Variants in SLC25A21 observed in about 807,000 individuals in gnomAD.
The protein encoded by SLC25A21 is solute carrier family 25 member 21.
SLC25A21 carries 47 observed loss-of-function variants against 43.8 expected under a neutral mutation model. The ratio of observed to expected loss-of-function variants is 1.07; its 90% CI spans 0.85 to 1.37. The LOEUF is 1.37. SLC25A21 is among the 40% of genes most tolerant of loss of function. The pLI is 0.00. For synonymous variants in SLC25A21, 131 were observed against 121.3 expected, an observed-to-expected ratio of 1.08 and a Z score of -0.52; for missense variants, 352 against 350.2, an observed-to-expected ratio of 1.00 and a Z score of -0.04.
intron 1 of SLC25A21, among the ~76,000 whole-genome samples, chr14:36,995,134 G>A (rs1008545844): frequency 6.6e-6 from 1 of 152,136 alleles, no homozygotes; most frequent in African/African-American, 2.4e-5. Context: ...CTCAAAGTGT[G>A]TTGTTGAAGT....
At chr14:36,984,097 G>A (rs1402242805) in intron 1 of SLC25A21, among the ~76,000 whole-genome samples, 2 of 152,126 alleles carry the variant, frequency 1.3e-5, no homozygotes, top group African/African-American at 4.8e-5. Context: ...ATATATCCAT[G>A]TAATAAACCT....
intron 1 of SLC25A21, among the ~76,000 whole-genome samples, chr14:37,168,523 G>A (rs1380851264): frequency 1.3e-5 from 2 of 151,834 alleles, no homozygotes; most frequent in African/African-American, 2.4e-5. Flanking sequence ...TCTCCCCTGA[G>A]GTTCCCCACC....
At chr14:36,711,196 C>G in intron 7 of SLC25A21, 122 bp downstream of exon 7, 1 of 854,592 alleles carries the variant, frequency 1.2e-6, no homozygotes, top group East Asian at 2.7e-5. Flanking sequence ...ATGTAAGGAT[C>G]AAATTAGATA....
In SLC25A21 at chr14:37,172,459, TTGGCTCCCTGTGGAGCAGCAATCCGG is replaced by T; in HGVS notation, c.-135_-110del. The T allele has an allele frequency of 8.7e-7, 1 of 1,152,558 alleles. No individual in the cohort carries two copies. The highest frequency in any genetic ancestry group is 1.3e-5 in the South Asian group (1 of 76,298). 71.4% of individuals were successfully genotyped at this position (1,152,558 alleles called of 1,614,324 possible). A position where few individuals can be genotyped will look rare whatever the true frequency, so the allele number is the denominator to read the frequency against. ...CCGGCTGGGCTGGTCCTCAAGCGCG[TTGGCTCCCTGTGGAGCAGCAATCCGG>T]CGACTGCTGGAAAGCGAGGGTTCGA... On this transcript the variant is annotated 5_prime_UTR_variant, in exon 1 of 10. Coordinates refer to ENST00000331299, the MANE Select transcript of SLC25A21 (RefSeq NM_030631.4).
rs1276726673 is a variant in SLC25A21, at chr14:37,040,358, A to G, written c.70+131923T>C. On this transcript the variant is annotated intron_variant, in intron 1 of 9. Coordinates refer to ENST00000331299, the MANE Select transcript of SLC25A21 (RefSeq NM_030631.4). ...GAAGGAAGGAAGGAAGGAAGGAAAG[A>G]AAGAGAGAGAGAGAGAGAAAGAAAG... Among the ~76,000 whole-genome samples, 57 of 48,244 alleles carry G rather than the reference A, an allele frequency of 1.2e-3. 18 individuals are homozygous for G. Among genetic ancestry groups the G allele is most frequent in the East Asian group, 6.7e-3 (14 of 2,104 alleles). 31.6% of individuals were successfully genotyped at this position (48,244 alleles called of 152,430 possible). A position where few individuals can be genotyped will look rare whatever the true frequency, so the allele number is the denominator to read the frequency against.
chr14:37,065,207 G>C (rs758698229), intron 1 of SLC25A21, among the ~76,000 whole-genome samples: 55 of 152,112 alleles, frequency 3.6e-4, no homozygotes, highest in Non-Finnish European at 6.9e-4. Context: ...TGTGTGAGGG[G>C]TACAGAAGAA....
intron 1 of SLC25A21, among the ~76,000 whole-genome samples, chr14:37,147,839 C>CTTTTTTTTTT (rs1566913739): frequency 2.3e-5 from 1 of 42,582 alleles, no homozygotes; most frequent in Non-Finnish European, 5.4e-5. Context: ...TCTTTTTTTT[C>CTTTTTTTTTT]TTTTCTTTTT....
At position 36,683,961 on chromosome 14, in the gene SLC25A21, C is replaced by T; in HGVS notation, c.786-81G>A. On this transcript the variant is annotated intron_variant, in intron 8 of 9. Transcript: ENST00000331299. The stretch of plus-strand genomic sequence containing the variant: ...CCTTAGCTTTATTGAGATAGGGACC[C>T]AGCATTTAAAAAAATAAATTATTTG... 4.2e-6 allele frequency: 4 copies of T among 955,260 alleles called. No homozygotes were observed. In the South Asian group the frequency reaches 4.9e-5, roughly 12 times the overall value. 59.2% of individuals were successfully genotyped at this position (955,260 alleles called of 1,614,324 possible).
chr14:37,072,050 C>T (rs1026604032), intron 1 of SLC25A21, among the ~76,000 whole-genome samples: 2 of 151,896 alleles, frequency 1.3e-5, no homozygotes, highest in African/African-American at 4.8e-5. Flanking sequence ...GGCATGGTGG[C>T]AGGCACCTGT....
intron 1 of SLC25A21, among the ~76,000 whole-genome samples, chr14:37,049,159 C>T (rs543281727): frequency 4.6e-5 from 7 of 152,226 alleles, no homozygotes; most frequent in African/African-American, 1.7e-4. Context: ...TTGAAATGTT[C>T]TTGAAATTCC....
At chr14:37,155,820 G>C (rs1963838670) in intron 1 of SLC25A21, among the ~76,000 whole-genome samples, 1 of 152,074 alleles carries the variant, frequency 6.6e-6, no homozygotes, top group South Asian at 2.1e-4. Flanking sequence ...GGTCAAGGGA[G>C]TCCTAAACCT....
At chr14:36,945,077 C>A (rs1358716090) in intron 1 of SLC25A21, among the ~76,000 whole-genome samples, 1 of 152,084 alleles carries the variant, frequency 6.6e-6, no homozygotes, top group Non-Finnish European at 1.5e-5. Context: ...ACCTCTTTCC[C>A]CTGACTCAGA....
rs897290819 is a variant in SLC25A21, at chr14:36,678,206, T to TC, written c.*2451dup. The stretch of plus-strand genomic sequence containing the variant: ...TCGGTTTCGTGGCTTCGTTTAAAAC[T>TC]CAGATGGCTAGATTAGTTAGGTTTT... On this transcript the variant is annotated 3_prime_UTR_variant, in exon 10 of 10. Coordinates refer to ENST00000331299, the MANE Select transcript of SLC25A21 (RefSeq NM_030631.4). 7.6e-5 allele frequency: 37 copies of TC among 487,976 alleles called. No homozygotes were observed. Among genetic ancestry groups the TC allele is most frequent in the African/African-American group, 6.9e-4 (36 of 52,232 alleles). 30.2% of individuals were successfully genotyped at this position (487,976 alleles called of 1,614,324 possible).
chr14:37,082,771 G>A (rs946976063), intron 1 of SLC25A21, among the ~76,000 whole-genome samples: 1 of 152,140 alleles, frequency 6.6e-6, no homozygotes, highest in Non-Finnish European at 1.5e-5. Context: ...CCTTTCTGTA[G>A]GCTCCTCTTC....
chr14:36,979,407 G>A (rs527992129), intron 1 of SLC25A21, among the ~76,000 whole-genome samples: 1 of 151,526 alleles, frequency 6.6e-6, no homozygotes, highest in South Asian at 2.1e-4. Flanking sequence ...CCAGGCTGGA[G>A]TGCAGTGGCG....
intron 3 of SLC25A21, among the ~76,000 whole-genome samples, chr14:36,803,120 T>C (rs1387602223): frequency 6.6e-6 from 1 of 152,194 alleles, no homozygotes; most frequent in African/African-American, 2.4e-5. Flanking sequence ...TGAAGTAATA[T>C]CTTACCTTAC....
chr14:37,161,403 G>A (rs1455152135), intron 1 of SLC25A21, among the ~76,000 whole-genome samples: 1 of 152,130 alleles, frequency 6.6e-6, no homozygotes, highest in African/African-American at 2.4e-5. Context: ...ATGAAAAGAG[G>A]AACACAGGAC....
chr14:37,010,431 T>C (rs994459453), intron 1 of SLC25A21, among the ~76,000 whole-genome samples: 2 of 152,230 alleles, frequency 1.3e-5, no homozygotes, highest in African/African-American at 4.8e-5. Context: ...CTCAAGAGGC[T>C]TACAGTCTAA....
At position 37,096,243 on chromosome 14, in the gene SLC25A21, T is replaced by A. The variant is rs187018154; in HGVS notation, c.70+76038A>T. On this transcript the variant is annotated intron_variant, in intron 1 of 9. Coordinates refer to ENST00000331299, the MANE Select transcript of SLC25A21 (RefSeq NM_030631.4). ...ATCAATGACAAATGCATTGCCGTTT[T>A]ATTGAAGTTGATAACAGAATTGTAG... Among the ~76,000 whole-genome samples, 5 of 152,298 alleles carry A rather than the reference T, an allele frequency of 3.3e-5. No homozygotes were observed. The East Asian group carries it at 9.7e-4, about 29-fold the overall frequency.
Sources: allele counts gnomAD v4.1 joint callset (sites outside exome capture counted in the v4.1 genomes callset), GRCh38; gene constraint gnomAD v4.1.1; transcripts MANE v1.5; gene names NCBI Gene and HGNC (gene_info 2026-07-23, HGNC 2026-07-21).